The following SPEG variants were observed in gnomAD, a reference collection of about 807,000 sequenced individuals.
SPEG encodes the protein striated muscle enriched protein kinase.
In SPEG, 114 loss-of-function variants were observed where a neutral mutation model predicts 300.4. The ratio of observed to expected loss-of-function variants is 0.38; its 90% CI spans 0.33 to 0.44. SPEG has a LOEUF of 0.44. Ranked by LOEUF, SPEG falls within the 20% of genes least tolerant of loss-of-function variation. The pLI is 1.00. For missense variants in SPEG, 4,201 were observed against 4,586.2 expected (o/e 0.92, Z 2.43); for synonymous variants, 1,964 against 2,018.9 (o/e 0.97, Z 0.73).
chr2:219,472,705 G>A (rs1691991808), intron 15 of SPEG, among the ~76,000 whole-genome samples, 185 bp from the exon 16 acceptor site: 1 of 152,172 alleles, frequency 6.6e-6, no homozygotes, highest in South Asian at 2.1e-4. Flanking sequence ...GTACCTTGTT[G>A]GCTCTTAACC....
In SPEG at chr2:219,469,386, G is replaced by T. The variant is rs771613190; in HGVS notation, c.3715+7G>T. On this transcript the variant is annotated splice_region_variant and intron_variant, in intron 13 of 40. Transcript: ENST00000312358. ...GACCGGCGCATGACACAGTGTACGT[G>T]TCTGGGAAGTTCCCCGGGAGTGTCC... 1 of 1,609,608 alleles carries T rather than the reference G, an allele frequency of 6.2e-7. No individual in the cohort carries two copies. Among genetic ancestry groups the T allele is most frequent in the Admixed American group, 1.7e-5 (1 of 59,838 alleles).
rs573774249 is a variant in SPEG, at chr2:219,435,467, C to T, written c.388+102C>T. On this transcript the variant is annotated intron_variant, in intron 1 of 40. Transcript: ENST00000312358. ...GTAAGGTACTGGATACTGGTTCCGC[C>T]GCCTTCTTCCCAGGTGCCCTGGCTT... The T allele has an allele frequency of 4.9e-3, 6,222 of 1,259,324 alleles. 18 individuals carry two copies. The highest frequency in any genetic ancestry group is 5.9e-3 in the Non-Finnish European group (5,714 of 963,344). The allele number at this position is 1,259,324 out of a possible 1,614,324, so 78.0% of individuals were successfully genotyped here. A position where few individuals can be genotyped will look rare whatever the true frequency, so the allele number is the denominator to read the frequency against.
intron 18 of SPEG, among the ~76,000 whole-genome samples, chr2:219,476,529 G>A (rs1301948569): frequency 6.6e-6 from 1 of 152,204 alleles, no homozygotes; most frequent in Non-Finnish European, 1.5e-5. Flanking sequence ...TTCAAGAGAG[G>A]CAGGAAATCC....
rs1190075971 is a variant in SPEG at position 219,444,371 on chromosome 2, A to C, written c.389-282A>C. 6.6e-6 allele frequency among the ~76,000 whole-genome samples: 1 copy of C among 152,124 alleles called. No homozygotes were observed. The highest frequency in any genetic ancestry group is 1.9e-4 in the East Asian group (1 of 5,188). On this transcript the variant is annotated intron_variant, in intron 1 of 40. Coordinates refer to ENST00000312358, the MANE Select transcript of SPEG (RefSeq NM_005876.5). This position sits in a 1 kb window ranked among gnomAD's most constrained non-coding sequence, Gnocchi z 7.8. The stretch of plus-strand genomic sequence containing the variant: ...AGGGAGGAGGCTCTGATAATCCATT[A>C]AGATATTGGCAGGCGGGGAGGGGGT...
At position 219,489,116 on chromosome 2, in the gene SPEG, C is replaced by T. The variant is rs1240705659; in HGVS notation, c.8212C>T (p.Leu2738=). The change falls in exon 35 of 41, where the codon CTG becomes TTG. Residue 2738 remains leucine (L), a synonymous_variant. Coordinates refer to ENST00000312358, the MANE Select transcript of SPEG (RefSeq NM_005876.5). ...IPDCYYNVTH[L]PVGVTVRFRV... ...CGACTGTTACTACAACGTGACCCAC[C>T]TGCCAGTTGGCGTGACTGTGAGGTT... is the stretch of plus-strand genomic sequence containing the variant. The T allele has an allele frequency of 1.1e-5, 18 of 1,613,888 alleles. No individual in the cohort carries two copies. The highest frequency in any genetic ancestry group is 2.7e-5 in the African/African-American group (2 of 74,870).
Position 219,434,847 on chromosome 2 carries a change from C to G in SPEG, c.-131C>G. On this transcript the variant is annotated 5_prime_UTR_variant, in exon 1 of 41. Coordinates refer to ENST00000312358, the MANE Select transcript of SPEG (RefSeq NM_005876.5). Reference sequence around the variant, plus strand: ...CGCCCCGGTGACCTTCTGGGTAGCACAGGCCGAAGGCGGGCGGGCAGCAGG... The same window carrying G: ...CGCCCCGGTGACCTTCTGGGTAGCAGAGGCCGAAGGCGGGCGGGCAGCAGG... The G allele has an allele frequency of 4.9e-6, 3 of 608,030 alleles. No homozygotes were observed. Among genetic ancestry groups the G allele is most frequent in the Non-Finnish European group, 8.0e-6 (3 of 374,924 alleles). 37.7% of individuals were successfully genotyped at this position (608,030 alleles called of 1,614,324 possible).
Position 219,448,566 on chromosome 2 carries a change from T to A in SPEG, c.1408T>A (p.Phe470Ile). The A allele has an allele frequency of 6.9e-7, 1 of 1,451,980 alleles. No individual in the cohort carries two copies. The highest frequency in any genetic ancestry group is 9.0e-7 in the Non-Finnish European group (1 of 1,110,136). 89.9% of individuals were successfully genotyped at this position (1,451,980 alleles called of 1,614,324 possible). A position where few individuals can be genotyped will look rare whatever the true frequency, so the allele number is the denominator to read the frequency against. Residue 470 changes from phenylalanine (F) to isoleucine (I), a missense_variant, in exon 4 of 41, where the codon TTC becomes ATC. Physicochemically the swap from Phe to Ile is conservative, Grantham distance 21 (BLOSUM62 0). Transcript: ENST00000312358. ...CAGCGTGGCCGAGCGGCGCCGCCTG[T>A]TCCAGCAGAAAGCGGCCTCGCTGGA... The part of the protein sequence containing the change: ...PGSVAERRRL[F>I]QQKAASLDER...
chr2:219,464,257 AGT>A lies in SPEG; in HGVS notation c.2706-174_2706-173del, dbSNP rs923293028. On this transcript the variant is annotated intron_variant, in intron 8 of 40. Coordinates refer to ENST00000312358, the MANE Select transcript of SPEG (RefSeq NM_005876.5). This position sits in a 1 kb window ranked among gnomAD's most constrained non-coding sequence, Gnocchi z 4.5. ...CTCCTAGAGGTGGGTGGGATGGCAG[AGT>A]GGGGGTAAAAACCTAGCCCTGGAAA... 1.3e-5 allele frequency among the ~76,000 whole-genome samples: 2 copies of A among 152,148 alleles called. No individual in the cohort carries two copies. Among genetic ancestry groups the A allele is most frequent in the African/African-American group, 4.8e-5 (2 of 41,438 alleles).
rs534708095 is a variant in SPEG, at chr2:219,461,332, A to C, written c.2441-550A>C. ...CTGGGGTTTGCACGGCAGGAAGCTG[A>C]GAAGGGAAAGGGGGAGGGGCAGGCT... On this transcript the variant is annotated intron_variant, in intron 6 of 40. Transcript: ENST00000312358. The C allele has an allele frequency of 1.6e-4, 157 of 988,068 alleles. No individual in the cohort carries two copies. The African/African-American group carries it at 2.4e-3, about 15-fold the overall frequency. The allele number at this position is 988,068 out of a possible 1,614,324, so 61.2% of individuals were successfully genotyped here.
At chr2:219,466,591 C>T (rs1472075707) in intron 9 of SPEG, 25 of 1,013,964 alleles carry the variant, frequency 2.5e-5, no homozygotes, top group Non-Finnish European at 2.9e-5. Flanking sequence ...AAATGGGTTT[C>T]GAATGGCACA....
rs772237684 is a variant in SPEG, at chr2:219,448,037, A to C, written c.879A>C (p.Glu293Asp). The change falls in exon 4 of 41, where the codon GAA (glutamate) becomes GAC (aspartate). Residue 293 changes from glutamate to aspartate, a missense_variant. Glu to Asp is a conservative substitution (Grantham distance 45). Coordinates refer to ENST00000312358, the MANE Select transcript of SPEG (RefSeq NM_005876.5). ...ACCTTCAGCCTCAACTGGCCAGCGAAGCCCCACGCCGCCCTGCCCAGCCGC... is the reference window on the plus strand; with the variant it reads ...ACCTTCAGCCTCAACTGGCCAGCGACGCCCCACGCCGCCCTGCCCAGCCGC... ...EPDLQPQLAS[E>D]APRRPAQPPP... is the part of the protein sequence containing the mutation. 6.2e-7 allele frequency: 1 copy of C among 1,611,984 alleles called. No individual in the cohort carries two copies. The highest frequency in any genetic ancestry group is 2.2e-5 in the East Asian group (1 of 44,828).
Position 219,480,695 on chromosome 2 carries a change from C to G in SPEG, c.5367C>G (p.Leu1789=). The part of the protein sequence containing the change: ...DIWPVGVVAF[L]CLTGISPFVG... ...GGCCTGTGGGTGTTGTTGCCTTCCT[C>G]TGGTAAGGACCCCTCTGCAATGTCC... The change falls in exon 26 of 41, where the codon CTC becomes CTG. Residue 1789 remains leucine (L), a splice_region_variant and synonymous_variant. Coordinates refer to ENST00000312358, the MANE Select transcript of SPEG (RefSeq NM_005876.5). This position sits in a 1 kb window ranked among gnomAD's most constrained non-coding sequence, Gnocchi z 5.3. The G allele has an allele frequency of 6.2e-7, 1 of 1,613,902 alleles. No individual in the cohort carries two copies. Among genetic ancestry groups the G allele is most frequent in the Non-Finnish European group, 8.5e-7 (1 of 1,179,810 alleles).
intron 1 of SPEG, chr2:219,442,182 C>A (rs1455080066): frequency 3.8e-5 from 30 of 790,624 alleles, no homozygotes; most frequent in Non-Finnish European, 4.5e-5. Flanking sequence ...GTGGAGGGGG[C>A]GCTGGATCGG....
In SPEG at chr2:219,437,333, G is replaced by A. The variant is rs554634787; in HGVS notation, c.388+1968G>A. 3 of 152,400 alleles carry A rather than the reference G, an allele frequency of 2.0e-5. No individual in the cohort carries two copies. The East Asian group carries it at 5.8e-4, about 29-fold the overall frequency. The allele number at this position is 152,400 out of a possible 1,614,324, so 9.4% of individuals were successfully genotyped here. A position where few individuals can be genotyped will look rare whatever the true frequency, so the allele number is the denominator to read the frequency against. On this transcript the variant is annotated intron_variant, in intron 1 of 40. Coordinates refer to ENST00000312358, the MANE Select transcript of SPEG (RefSeq NM_005876.5). ...GTCCCTCAAAGTGGTAAGTGGTGAT[G>A]AGGTGTGAGAGCCCCCAGCAGGGCT...
At chr2:219,485,110 A>G in intron 30 of SPEG, 38 bp downstream of exon 30, 2 of 1,523,364 alleles carry the variant, frequency 1.3e-6, no homozygotes, top group Non-Finnish European at 1.8e-6. Flanking sequence ...GGTGCAGAGG[A>G]GGGTGGGGTG....
chr2:219,448,546 T>C lies in SPEG; in HGVS notation c.1388T>C (p.Val463Ala), dbSNP rs1248948494. ...GAAGAACTGCGGGCGCCAGGCAGCG[T>C]GGCCGAGCGGCGCCGCCTGTTCCAG... ...SQEELRAPGS[V>A]AERRRLFQQK... The change falls in exon 4 of 41, where the codon GTG becomes GCG. Residue 463 changes from valine to alanine, a missense_variant. Physicochemically the swap from Val to Ala is moderately conservative, Grantham distance 64 (BLOSUM62 0). This residue lies in a region of SPEG where 1,258 missense variants were observed against 1,293.9 expected (regional missense o/e 0.97). Coordinates refer to ENST00000312358, the MANE Select transcript of SPEG (RefSeq NM_005876.5). 2.1e-6 allele frequency: 3 copies of C among 1,444,586 alleles called. No individual in the cohort carries two copies. Among genetic ancestry groups the C allele is most frequent in the South Asian group, 2.8e-5 (2 of 71,772 alleles). The allele number at this position is 1,444,586 out of a possible 1,614,324, so 89.5% of individuals were successfully genotyped here.
At chr2:219,471,669 GC>G in intron 13 of SPEG, 198 bp from the exon 14 acceptor site, 2 of 623,644 alleles carry the variant, frequency 3.2e-6, no homozygotes, top group Non-Finnish European at 5.5e-6. Context: ...AGACTTGGAA[GC>G]CAGCCCGGGC....
At position 219,490,937 on chromosome 2, in the gene SPEG, G is replaced by T. The variant is rs751511563; in HGVS notation, c.9366G>T (p.Thr3122=). ...PQALRPLGHR[T]GTLEFMAPEM... Reference sequence around the variant, plus strand: ...CCCTTAGGCCCCTTGGCCACCGCACGGGCACGCTGGAGTTCATGGGTGAGG... The same window carrying T: ...CCCTTAGGCCCCTTGGCCACCGCACTGGCACGCTGGAGTTCATGGGTGAGG... Residue 3122 remains threonine (T), a synonymous_variant, in exon 38 of 41, where the codon ACG becomes ACT. Coordinates refer to ENST00000312358, the MANE Select transcript of SPEG (RefSeq NM_005876.5). 2 of 1,612,876 alleles carry T rather than the reference G, an allele frequency of 1.2e-6. No individual in the cohort carries two copies. The highest frequency in any genetic ancestry group is 2.2e-5 in the South Asian group (2 of 91,028).
chr2:219,441,324 G>A (rs1441637148), intron 1 of SPEG, among the ~76,000 whole-genome samples: 1 of 152,134 alleles, frequency 6.6e-6, no homozygotes, highest in African/African-American at 2.4e-5. Context: ...CGGGGGTAGG[G>A]GGCCGCGCAT....
Sources: gnomAD v4.1 joint callset for allele counts (sites outside exome capture counted in the v4.1 genomes callset) on GRCh38, gnomAD v4.1.1 for gene constraint, gnomAD v4.1.1 regional missense constraint, Gnocchi (gnomAD v3.1) non-coding constraint, MANE v1.5 for transcripts, NCBI Gene and HGNC (gene_info 2026-07-23, HGNC 2026-07-21) for gene names.